Variants in PDE3B observed in about 807,000 individuals in gnomAD.
PDE3B encodes the protein phosphodiesterase 3B.
PDE3B carries 66 observed loss-of-function variants against 116.8 expected under a neutral mutation model. That is an observed-to-expected ratio of 0.56 (90% confidence interval 0.46 to 0.69). PDE3B has a LOEUF of 0.69. PDE3B is among the 30% of genes least tolerant of loss of function. The pLI is 0.00. For missense variants in PDE3B, 1,384 were observed against 1,368.1 expected (o/e 1.01, Z -0.18); for synonymous variants, 595 against 533.6 (o/e 1.12, Z -1.59).
At chr11:14,725,375 T>TCTTC (rs1172193941) in intron 1 of PDE3B, among the ~76,000 whole-genome samples, 8 of 150,270 alleles carry the variant, frequency 5.3e-5, no homozygotes, top group East Asian at 3.9e-4. Context: ...CTTTCTCCTT[T>TCTTC]CTTCCTTCCT....
chr11:14,868,832 T>A (rs1848093580), intron 15 of PDE3B, among the ~76,000 whole-genome samples: 1 of 151,990 alleles, frequency 6.6e-6, no homozygotes, highest in African/African-American at 2.4e-5. Context: ...GACTGACTTC[T>A]AAAAATTATA....
intron 1 of PDE3B, among the ~76,000 whole-genome samples, chr11:14,663,319 G>A (rs1282570452): frequency 6.6e-6 from 1 of 152,106 alleles, no homozygotes; most frequent in Non-Finnish European, 1.5e-5. Context: ...CACTAAACAT[G>A]GAAAGGAACA....
intron 1 of PDE3B, among the ~76,000 whole-genome samples, chr11:14,728,807 C>T (rs767313828): frequency 1.3e-5 from 2 of 152,052 alleles, no homozygotes; most frequent in African/African-American, 2.4e-5. Context: ...TACTATACTA[C>T]TATATAAGCT....
chr11:14,834,002 T>C (rs1255386338), intron 10 of PDE3B, among the ~76,000 whole-genome samples: 1 of 152,116 alleles, frequency 6.6e-6, no homozygotes, highest in Non-Finnish European at 1.5e-5. Flanking sequence ...ACTTTAAAAA[T>C]TTGTGAATGA....
intron 1 of PDE3B, among the ~76,000 whole-genome samples, chr11:14,725,240 C>CT (rs1406611527): frequency 6.6e-6 from 1 of 151,956 alleles, no homozygotes; most frequent in African/African-American, 2.4e-5. Flanking sequence ...CTTCCAGCAG[C>CT]TTTTTTCTTT....
chr11:14,677,810 C>A (rs1453036813), intron 1 of PDE3B, among the ~76,000 whole-genome samples: 7 of 152,184 alleles, frequency 4.6e-5, no homozygotes, highest in East Asian at 1.9e-4. Flanking sequence ...TTGAGACTGG[C>A]TACTTTTATT....
At chr11:14,855,366 C>T (rs185075477) in intron 12 of PDE3B, among the ~76,000 whole-genome samples, 4 of 151,930 alleles carry the variant, frequency 2.6e-5, no homozygotes, top group Admixed American at 2.6e-4. Context: ...AAAAGAATTC[C>T]CGAGAAGATG....
At chr11:14,862,887 AT>A (rs1236914188) in intron 14 of PDE3B, among the ~76,000 whole-genome samples, 20 of 151,624 alleles carry the variant, frequency 1.3e-4, no homozygotes, top group Admixed American at 7.2e-4. Context: ...TAAATCTTTA[AT>A]TTTTTTTTAA....
At chr11:14,670,840 T>G (rs1854342112) in intron 1 of PDE3B, among the ~76,000 whole-genome samples, 1 of 152,092 alleles carries the variant, frequency 6.6e-6, no homozygotes, top group South Asian at 2.1e-4. Context: ...ACAATCCAGC[T>G]TACATGTCAT....
At position 14,871,246 on chromosome 11, in the gene PDE3B, T is replaced by G. The variant is rs1848135911; in HGVS notation, c.*1586T>G. ...GTCAATATTTAATGAATCACTAAGC[T>G]TTATTTATTAGACGTGTTGAGTGAG... On this transcript the variant is annotated 3_prime_UTR_variant, in exon 16 of 16. Transcript: ENST00000282096. The G allele has an allele frequency of 6.6e-6, 1 of 152,218 alleles. No homozygotes were observed. The highest frequency in any genetic ancestry group is 2.4e-5 in the African/African-American group (1 of 41,468). The allele number at this position is 152,218 out of a possible 1,614,324, so 9.4% of individuals were successfully genotyped here.
intron 1 of PDE3B, among the ~76,000 whole-genome samples, chr11:14,684,221 T>C (rs1254177399): frequency 6.6e-6 from 1 of 152,210 alleles, no homozygotes; most frequent in Non-Finnish European, 1.5e-5. Context: ...GTAGGTTCTT[T>C]ATATTTTCTG....
chr11:14,703,542 C>A lies in PDE3B; in HGVS notation c.978+58489C>A, dbSNP rs148006888. 4.6e-3 allele frequency among the ~76,000 whole-genome samples: 688 copies of A among 151,200 alleles called. 3 individuals carry two copies. The highest frequency in any genetic ancestry group is 0.015 in the African/African-American group (613 of 41,246). On this transcript the variant is annotated intron_variant, in intron 1 of 15. Transcript: ENST00000282096. Reference sequence around the variant, plus strand: ...CTCCTTTGCTGTGTTTAGGTGGCTACTAGTTTATTGAGAAATTTTTGGTCT... The same window carrying A: ...CTCCTTTGCTGTGTTTAGGTGGCTAATAGTTTATTGAGAAATTTTTGGTCT...
At chr11:14,716,133 C>G (rs999349121) in intron 1 of PDE3B, among the ~76,000 whole-genome samples, 2 of 152,160 alleles carry the variant, frequency 1.3e-5, no homozygotes, top group African/African-American at 4.8e-5. Flanking sequence ...AGGGAGTTCC[C>G]TTTCCGAGTC....
intron 1 of PDE3B, among the ~76,000 whole-genome samples, chr11:14,688,026 G>T (rs951896275): frequency 6.6e-6 from 1 of 151,962 alleles, no homozygotes; most frequent in East Asian, 1.9e-4. Context: ...TCAGGTGAAA[G>T]TATGTAGTTT....
In PDE3B at chr11:14,744,467, C is replaced by T. The variant is rs191055619; in HGVS notation, c.979-27470C>T. Among the ~76,000 whole-genome samples the T allele has an allele frequency of 2.6e-5, 4 of 152,278 alleles. No homozygotes were observed. The East Asian group carries it at 7.7e-4, about 29-fold the overall frequency. On this transcript the variant is annotated intron_variant, in intron 1 of 15. Transcript: ENST00000282096. ...TTAGGTCTTCTTTACTTTCTTTCAG[C>T]AATGTTTTGTAGTTTTCATTGTCAA...
intron 5 of PDE3B, among the ~76,000 whole-genome samples, chr11:14,813,643 G>C (rs1422439143): frequency 6.6e-6 from 1 of 152,174 alleles, no homozygotes; most frequent in Non-Finnish European, 1.5e-5. Context: ...CCTTTGCCAT[G>C]CAATCTAACA....
rs1354031309 is a variant in PDE3B at position 14,644,998 on chromosome 11, A to T, written c.923A>T (p.Tyr308Phe). Residue 308 changes from tyrosine to phenylalanine, a missense_variant, in exon 1 of 16, where the codon TAT (tyrosine) becomes TTT (phenylalanine). Physicochemically the swap from Tyr to Phe is conservative, Grantham distance 22. Around this residue, in one of 2 missense-constraint regions of PDE3B, gnomAD observed 956 missense variants for 806.8 expected, o/e 1.18. Transcript: ENST00000282096. ...VSLGETAASY[Y>F]GSCKIFRRPS... is the part of the protein sequence containing the mutation. The stretch of plus-strand genomic sequence containing the variant: ...TTAGGAGAAACTGCAGCCAGTTACT[A>T]TGGCAGTTGCAAAATATTCAGGAGA... The T allele has an allele frequency of 2.5e-6, 4 of 1,613,422 alleles. No individual in the cohort carries two copies. The highest frequency in any genetic ancestry group is 3.4e-6 in the Non-Finnish European group (4 of 1,179,896).
At chr11:14,694,426 C>G (rs965982762) in intron 1 of PDE3B, among the ~76,000 whole-genome samples, 1 of 152,248 alleles carries the variant, frequency 6.6e-6, no homozygotes, top group African/African-American at 2.4e-5. Flanking sequence ...CACAGGCCAC[C>G]CTGCCTTCAG....
rs554296247 is a variant in PDE3B, at chr11:14,723,076, A to G, written c.979-48861A>G. On this transcript the variant is annotated intron_variant, in intron 1 of 15. Coordinates refer to ENST00000282096, the MANE Select transcript of PDE3B (RefSeq NM_000922.4). ...TTTGAATGAATGAAAAATAGCTAATAACAATAGATAACATGTATTGAACTC... is the reference window on the plus strand; with the variant it reads ...TTTGAATGAATGAAAAATAGCTAATGACAATAGATAACATGTATTGAACTC... 2.7e-3 allele frequency among the ~76,000 whole-genome samples: 418 copies of G among 152,368 alleles called. 4 individuals are homozygous for G. Among genetic ancestry groups the G allele is most frequent in the Middle Eastern group, 0.027 (8 of 294 alleles).
Sources: allele counts gnomAD v4.1 joint callset (sites outside exome capture counted in the v4.1 genomes callset), GRCh38; gene constraint gnomAD v4.1.1; regional missense constraint gnomAD v4.1.1; transcripts MANE v1.5; gene names NCBI Gene and HGNC (gene_info 2026-07-23, HGNC 2026-07-21).